The following LUZP2 variants were observed in gnomAD, a reference collection of about 807,000 sequenced individuals.
LUZP2 encodes the protein leucine zipper protein 2.
LUZP2 carries 52 observed loss-of-function variants against 51.6 expected under a neutral mutation model. The ratio of observed to expected loss-of-function variants is 1.01; its 90% CI spans 0.81 to 1.27. The LOEUF (loss-of-function observed/expected upper bound fraction) is 1.27, where lower values mean the gene tolerates loss of function less well. Among genes scored for constraint, LUZP2 ranks in the 50% most tolerant of loss-of-function variants. LUZP2 has a pLI of 0.00. For synonymous variants in LUZP2, 154 were observed against 137.3 expected (o/e 1.12, Z -0.85); for missense variants, 436 against 395.4 (o/e 1.10, Z -0.87).
intron 5 of LUZP2, chr11:24,786,404 C>G: frequency 1.0e-6 from 1 of 981,872 alleles, no homozygotes; most frequent in South Asian, 4.7e-5. Flanking sequence ...GTTTTTCTTT[C>G]CACTTAGTAT....
intron 1 of LUZP2, among the ~76,000 whole-genome samples, chr11:24,562,441 A>T (rs2133775036): frequency 6.7e-6 from 1 of 149,806 alleles, no homozygotes. Context: ...TTTCAATAGT[A>T]GATTCTGTTC....
intron 4 of LUZP2, among the ~76,000 whole-genome samples, chr11:24,740,601 G>T (rs185175075): frequency 6.6e-6 from 1 of 152,224 alleles, no homozygotes; most frequent in African/African-American, 2.4e-5. Context: ...TACCAGACTT[G>T]ATCAAGCTTT....
intron 5 of LUZP2, among the ~76,000 whole-genome samples, chr11:24,875,316 T>C (rs1273008937): frequency 1.3e-5 from 2 of 149,360 alleles, no homozygotes; most frequent in Admixed American, 6.7e-5. Context: ...TGTGTTCTCA[T>C]TGTTCAATTC....
chr11:24,789,291 T>C (rs1247787494), intron 5 of LUZP2, among the ~76,000 whole-genome samples: 2 of 152,200 alleles, frequency 1.3e-5, no homozygotes, highest in African/African-American at 4.8e-5. Context: ...CAACTAGGGA[T>C]GCCAGGATTT....
intron 5 of LUZP2, among the ~76,000 whole-genome samples, chr11:24,862,037 G>A (rs965286393): frequency 3.3e-5 from 5 of 152,110 alleles, no homozygotes; most frequent in African/African-American, 1.2e-4. Context: ...CCTTTCAGAA[G>A]GCCTGCTCTT....
intron 1 of LUZP2, among the ~76,000 whole-genome samples, chr11:24,563,515 A>T (rs1010103241): frequency 6.6e-6 from 1 of 152,186 alleles, no homozygotes; most frequent in African/African-American, 2.4e-5. Flanking sequence ...TAAAATTACT[A>T]TGTTATTGGA....
At chr11:24,663,709 T>C (rs1565062799) in intron 1 of LUZP2, among the ~76,000 whole-genome samples, 1 of 152,152 alleles carries the variant, frequency 6.6e-6, no homozygotes, top group Non-Finnish European at 1.5e-5. Context: ...ATAATCCCCA[T>C]GCATCCTGGG....
At chr11:24,551,842 A>G (rs1393021807) in intron 1 of LUZP2, among the ~76,000 whole-genome samples, 1 of 151,984 alleles carries the variant, frequency 6.6e-6, no homozygotes, top group Non-Finnish European at 1.5e-5. Context: ...AGGAGAAATA[A>G]AAGTCTTGAA....
chr11:24,637,104 T>C (rs1198778328), intron 1 of LUZP2, among the ~76,000 whole-genome samples: 1 of 151,760 alleles, frequency 6.6e-6, no homozygotes, highest in Non-Finnish European at 1.5e-5. Flanking sequence ...TAAAAATCTA[T>C]AAAACAAAAA....
intron 1 of LUZP2, among the ~76,000 whole-genome samples, chr11:24,626,725 A>T (rs923045749): frequency 6.6e-6 from 1 of 152,126 alleles, no homozygotes; most frequent in Non-Finnish European, 1.5e-5. Flanking sequence ...AAGGCTAATC[A>T]ATATCAAAAT....
chr11:24,595,053 C>A (rs969311599), intron 1 of LUZP2, among the ~76,000 whole-genome samples: 4 of 151,952 alleles, frequency 2.6e-5, no homozygotes, highest in African/African-American at 9.7e-5. Context: ...AGCCACCATG[C>A]CCATTGACCA....
rs184474641 is a variant in LUZP2 at position 24,939,295 on chromosome 11, C to A, written c.522+24757C>A. Among the ~76,000 whole-genome samples the A allele has an allele frequency of 6.2e-3, 943 of 152,092 alleles. 13 individuals are homozygous for A. The highest frequency in any genetic ancestry group is 0.022 in the African/African-American group (908 of 41,482). On this transcript the variant is annotated intron_variant, in intron 7 of 11. Transcript: ENST00000336930. ...CATTTTCTGGTAGGTGCAGGAAAAA[C>A]AAACTTGAATGACAAATTTTCAGAT... is the stretch of plus-strand genomic sequence containing the variant.
intron 7 of LUZP2, among the ~76,000 whole-genome samples, chr11:24,918,838 A>G (rs1022416925): frequency 1.0e-5 from 1 of 96,394 alleles, no homozygotes; most frequent in African/African-American, 6.4e-5. Context: ...TCTCCATTGG[A>G]ATACATCTAT....
Position 25,053,088 on chromosome 11 carries a change from C to A in LUZP2, c.858+2958C>A, listed in dbSNP as rs112549306. Among the ~76,000 whole-genome samples the A allele has an allele frequency of 2.5e-3, 379 of 152,102 alleles. 1 individual carries two copies. The highest frequency in any genetic ancestry group is 8.8e-3 in the African/African-American group (365 of 41,504). ...AATTAAAGAGAGAGTAAATAGGAACCTGAATCTAGGCAATCACAGAAACAA... is the reference window on the plus strand; with the variant it reads ...AATTAAAGAGAGAGTAAATAGGAACATGAATCTAGGCAATCACAGAAACAA... On this transcript the variant is annotated intron_variant, in intron 10 of 11. Transcript: ENST00000336930.
intron 5 of LUZP2, among the ~76,000 whole-genome samples, chr11:24,835,258 G>T (rs761707666): frequency 6.6e-6 from 1 of 152,140 alleles, no homozygotes; most frequent in Non-Finnish European, 1.5e-5. Context: ...CCAGCCATAT[G>T]CAGAAAACAG....
At chr11:24,554,073 T>C (rs1851797211) in intron 1 of LUZP2, among the ~76,000 whole-genome samples, 1 of 152,198 alleles carries the variant, frequency 6.6e-6, no homozygotes, top group African/African-American at 2.4e-5. Context: ...TCTTTATAAA[T>C]GTGAAGCTGA....
At position 24,605,294 on chromosome 11, in the gene LUZP2, T is replaced by A. The variant is rs543271332; in HGVS notation, c.62+107989T>A. ...TTTTAAAAGTAAACATGTCCTCTAA[T>A]TAAACTCAAGAAATTAAATACAAAT... is the stretch of plus-strand genomic sequence containing the variant. On this transcript the variant is annotated intron_variant, in intron 1 of 11. Coordinates refer to ENST00000336930, the MANE Select transcript of LUZP2 (RefSeq NM_001009909.4). 2.0e-5 allele frequency among the ~76,000 whole-genome samples: 3 copies of A among 151,880 alleles called. No homozygotes were observed. In the East Asian group the frequency reaches 5.8e-4, roughly 29 times the overall value.
intron 5 of LUZP2, among the ~76,000 whole-genome samples, chr11:24,830,570 A>G (rs1850669507): frequency 6.6e-6 from 1 of 152,206 alleles, no homozygotes; most frequent in South Asian, 2.1e-4. Flanking sequence ...AATGTCAGAT[A>G]TTATTATGAG....
intron 5 of LUZP2, among the ~76,000 whole-genome samples, chr11:24,861,154 C>T (rs1851728782): frequency 6.6e-6 from 1 of 152,092 alleles, no homozygotes; most frequent in South Asian, 2.1e-4. Flanking sequence ...CTTCGTGAAG[C>T]ATATACAAGT....
Sources: allele counts gnomAD v4.1 joint callset (sites outside exome capture counted in the v4.1 genomes callset), GRCh38; gene constraint gnomAD v4.1.1; transcripts MANE v1.5; gene names NCBI Gene and HGNC (gene_info 2026-07-23, HGNC 2026-07-21).